The following CEP63 variants were observed in gnomAD, a reference collection of about 807,000 sequenced individuals.
The protein encoded by CEP63 is centrosomal protein of 63 kDa.
Under a neutral mutation model 89.1 loss-of-function variants are expected in CEP63, and 84 were observed. The ratio of observed to expected loss-of-function variants is 0.94; its 90% CI spans 0.79 to 1.13. The LOEUF (loss-of-function observed/expected upper bound fraction) is 1.13. CEP63 is among the 50% of genes most tolerant of loss of function. The pLI is 0.00. For synonymous variants in CEP63, 267 were observed against 272.5 expected, an observed-to-expected ratio of 0.98 and a Z score of 0.20; for missense variants, 838 against 813.3, an observed-to-expected ratio of 1.03 and a Z score of -0.37.
the CEP63 span, among the ~76,000 whole-genome samples, chr3:134,738,896 AT>A: frequency 6.6e-6 from 1 of 152,180 alleles, no homozygotes; most frequent in African/African-American, 2.4e-5. Context: ...GATGCTCAAC[AT>A]CATTAGTCAC....
the CEP63 span, among the ~76,000 whole-genome samples, chr3:134,760,207 C>T: frequency 6.6e-6 from 1 of 151,922 alleles, no homozygotes; most frequent in Non-Finnish European, 1.5e-5. Context: ...TACAGGCGCC[C>T]GCCACCACGC....
chr3:134,610,383 C>G, the CEP63 span: 1 of 1,610,168 alleles, frequency 6.2e-7, no homozygotes, highest in South Asian at 1.1e-5. Flanking sequence ...CTCCGGCGAG[C>G]CTGGGGGCAG....
the CEP63 span, among the ~76,000 whole-genome samples, chr3:134,746,289 T>C: frequency 5.3e-5 from 8 of 152,212 alleles, no homozygotes; most frequent in Non-Finnish European, 1.2e-4. Flanking sequence ...CCATGGTGTA[T>C]ATGTGCCACA....
At chr3:134,738,630 G>A in the CEP63 span, among the ~76,000 whole-genome samples, 1 of 151,996 alleles carries the variant, frequency 6.6e-6, no homozygotes, top group African/African-American at 2.4e-5. Flanking sequence ...ACAAATGGGA[G>A]GGGGCAAGGG....
At chr3:134,664,253 T>A in the CEP63 span, among the ~76,000 whole-genome samples, 1 of 152,298 alleles carries the variant, frequency 6.6e-6, no homozygotes, top group African/African-American at 2.4e-5. Context: ...CATTCCCAAG[T>A]GAGTCACAGC....
the CEP63 span, among the ~76,000 whole-genome samples, chr3:134,726,937 A>T: frequency 6.6e-6 from 1 of 151,980 alleles, no homozygotes; most frequent in African/African-American, 2.4e-5. Flanking sequence ...CTTATTTTTT[A>T]AAAGCTACTT....
At chr3:134,731,594 G>T in the CEP63 span, among the ~76,000 whole-genome samples, 1 of 152,162 alleles carries the variant, frequency 6.6e-6, no homozygotes, top group Non-Finnish European at 1.5e-5. Context: ...AATGGCAGCT[G>T]CCTGAACCTG....
the CEP63 span, chr3:134,603,439 G>C: frequency 1.4e-6 from 1 of 721,456 alleles, no homozygotes; most frequent in Non-Finnish European, 2.3e-6. Flanking sequence ...TCCTGTGGCA[G>C]AGGTGGGACA....
In CEP63 at chr3:134,557,543, A is replaced by T. The variant is rs1956481203; in HGVS notation, c.1468-599A>T. Among the ~76,000 whole-genome samples the T allele has an allele frequency of 2.6e-5, 4 of 151,976 alleles. No homozygotes were observed. The South Asian group carries it at 8.3e-4, about 31-fold the overall frequency. ...TTCAAGTAGTGTCTTACCAGGAAAC[A>T]CCTAGAATTGAAGAGCAATAAAATT... On this transcript the variant is annotated intron_variant, in intron 12 of 14. Coordinates refer to ENST00000675561, the MANE Select transcript of CEP63 (RefSeq NM_001353108.3).
chr3:134,692,652 GTC>G, the CEP63 span, among the ~76,000 whole-genome samples: 1 of 152,200 alleles, frequency 6.6e-6, no homozygotes, highest in South Asian at 2.1e-4. Flanking sequence ...TCCCCTGAAA[GTC>G]TCTTGTCCAG....
chr3:134,604,478 A>G, the CEP63 span: 3 of 1,597,704 alleles, frequency 1.9e-6, no homozygotes, highest in Non-Finnish European at 8.5e-7. Flanking sequence ...CCATTCACTG[A>G]GGAGAGAAAG....
chr3:134,753,498 T>C, the CEP63 span, among the ~76,000 whole-genome samples: 2 of 152,190 alleles, frequency 1.3e-5, no homozygotes, highest in Admixed American at 1.3e-4. Flanking sequence ...CCTCTGGAGC[T>C]GGAAAACTGG....
chr3:134,532,658 A>T, intron 4 of CEP63, 120 bp from the exon 5 acceptor site: 1 of 702,950 alleles, frequency 1.4e-6, no homozygotes, highest in South Asian at 1.9e-5. Context: ...TAGTTTGGAA[A>T]TCTAACATGT....
chr3:134,547,210 G>T, intron 8 of CEP63, 125 bp from the exon 9 acceptor site: 1 of 802,266 alleles, frequency 1.2e-6, no homozygotes, highest in Non-Finnish European at 2.1e-6. Context: ...TTTTTATAAA[G>T]CAGGAGACAA....
At chr3:134,519,340 G>A (rs554417531) in intron 3 of CEP63, among the ~76,000 whole-genome samples, 106 of 151,524 alleles carry the variant, frequency 7.0e-4, no homozygotes, top group South Asian at 2.3e-3. Context: ...CACCATGTTG[G>A]TCAGGCTGGT....
In CEP63 at chr3:134,564,879, G is replaced by T; in HGVS notation, c.*3344G>T. 1.0e-6 allele frequency: 1 copy of T among 985,156 alleles called. No individual in the cohort carries two copies. Among genetic ancestry groups the T allele is most frequent in the Non-Finnish European group, 1.2e-6 (1 of 829,678 alleles). 61.0% of individuals were successfully genotyped at this position (985,156 alleles called of 1,614,324 possible). A position where few individuals can be genotyped will look rare whatever the true frequency, so the allele number is the denominator to read the frequency against. ...TACTTAAGGAATCATGAGGTACTAT[G>T]TATTTCCTTAAATTATACTGTTTTT... is the stretch of plus-strand genomic sequence containing the variant. On this transcript the variant is annotated 3_prime_UTR_variant, in exon 15 of 15. Coordinates refer to ENST00000675561, the MANE Select transcript of CEP63 (RefSeq NM_001353108.3).
chr3:134,722,108 T>A, the CEP63 span, among the ~76,000 whole-genome samples: 1 of 152,160 alleles, frequency 6.6e-6, no homozygotes, highest in Non-Finnish European at 1.5e-5. Flanking sequence ...GCTTGGGCTG[T>A]TCTTTTTGGG....
chr3:134,738,005 G>A, the CEP63 span, among the ~76,000 whole-genome samples: 2 of 152,144 alleles, frequency 1.3e-5, no homozygotes, highest in Non-Finnish European at 2.9e-5. Context: ...AAGGAGAGGG[G>A]TTTAAATGAG....
At chr3:134,632,316 A>G in the CEP63 span, among the ~76,000 whole-genome samples, 1 of 152,074 alleles carries the variant, frequency 6.6e-6, no homozygotes, top group Admixed American at 6.5e-5. Context: ...ACGCACATTC[A>G]TGTCAAATGC....
Sources: allele counts gnomAD v4.1 joint callset (sites outside exome capture counted in the v4.1 genomes callset), GRCh38; gene constraint gnomAD v4.1.1; transcripts MANE v1.5; gene names NCBI Gene and HGNC (gene_info 2026-07-23, HGNC 2026-07-21).